MAST1: variants seen among roughly 807,000 people sequenced by gnomAD.
The protein encoded by MAST1 is microtubule associated serine/threonine kinase 1.
A neutral mutation model predicts 124.6 loss-of-function variants in MAST1; 40 were observed. That is an observed-to-expected ratio of 0.32 (90% confidence interval 0.25 to 0.42). The LOEUF is 0.42. Among genes scored for constraint, MAST1 ranks in the 10% least tolerant of loss-of-function variants. The pLI is 1.00. For missense variants in MAST1, 1,558 were observed against 2,181.9 expected (o/e 0.71, Z 5.70); for synonymous variants, 938 against 939.4 (o/e 1.00, Z 0.03).
chr19:12,863,434 G>T (rs8101584), intron 12 of MAST1, among the ~76,000 whole-genome samples: 7,762 of 152,158 alleles, frequency 0.051, 684 homozygotes, highest in African/African-American at 0.18. Context: ...ACAGAAAAAA[G>T]AAAGAAATCA....
Position 12,874,623 on chromosome 19 carries a change from C to T in MAST1, c.4466C>T (p.Thr1489Ile), listed in dbSNP as rs1315359016. Reference protein sequence around the residue: ...RWVLEVVEERTTLSGPRSKPA... With the variant: ...RWVLEVVEERITLSGPRSKPA... ...GTGTTGGAGGTGGTGGAGGAGCGCA[C>T]CACGCTGAGCGGTCCTCGCTCCAAG... Residue 1489 changes from threonine to isoleucine, a missense_variant, in exon 26 of 26, where the codon ACC becomes ATC. Thr to Ile is a moderately conservative substitution (Grantham distance 89). This residue lies in a region of MAST1 where 168 missense variants were observed against 154.3 expected (regional missense o/e 1.09). Coordinates refer to ENST00000251472, the MANE Select transcript of MAST1 (RefSeq NM_014975.3). The surrounding 1 kb of genome is among the most constrained non-coding windows in gnomAD (Gnocchi z 6.6). 4 of 1,513,986 alleles carry T rather than the reference C, an allele frequency of 2.6e-6. No homozygotes were observed. The African/African-American group carries it at 4.2e-5, about 16-fold the overall frequency. 93.8% of individuals were successfully genotyped at this position (1,513,986 alleles called of 1,614,324 possible).
In MAST1 at chr19:12,867,882, G is replaced by A; in HGVS notation, c.2471G>A (p.Arg824Gln). ...EDEARLRRPP[R>Q]PSSDPAGSLD... ...GAGGCCCGGCTGCGCAGGCCTCCCC[G>A]GCCCAGCTCCGACCCCGCGGGATCC... The change falls in exon 20 of 26, where the codon CGG (arginine) becomes CAG (glutamine). Residue 824 changes from arginine (R) to glutamine (Q), a missense_variant. Coordinates refer to ENST00000251472, the MANE Select transcript of MAST1 (RefSeq NM_014975.3). 6.2e-7 allele frequency: 1 copy of A among 1,603,924 alleles called. No individual in the cohort carries two copies. The highest frequency in any genetic ancestry group is 8.5e-7 in the Non-Finnish European group (1 of 1,175,916).
At chr19:12,845,411 CAAAAAA>C (rs540488398) in intron 4 of MAST1, among the ~76,000 whole-genome samples, 2 of 69,142 alleles carry the variant, frequency 2.9e-5, no homozygotes, top group Admixed American at 1.9e-4. Context: ...CCTGTTTCTA[CAAAAAA>C]AAAAAAAAAA....
chr19:12,847,166 G>A lies in MAST1; in HGVS notation c.328-124G>A, dbSNP rs1418369378. Reference sequence around the variant, plus strand: ...GCCAAGATCCTAGGATCCAAGGATCGTAAATCAGGTCCTGATCCTGGCCTT... The same window carrying A: ...GCCAAGATCCTAGGATCCAAGGATCATAAATCAGGTCCTGATCCTGGCCTT... On this transcript the variant is annotated intron_variant, in intron 4 of 25. Transcript: ENST00000251472. The surrounding 1 kb of genome is among the most constrained non-coding windows in gnomAD (Gnocchi z 5.5). 1.5e-5 allele frequency: 10 copies of A among 671,214 alleles called. No homozygotes were observed. The highest frequency in any genetic ancestry group is 5.4e-5 in the African/African-American group (3 of 55,370). 41.6% of individuals were successfully genotyped at this position (671,214 alleles called of 1,614,324 possible). A position where few individuals can be genotyped will look rare whatever the true frequency, so the allele number is the denominator to read the frequency against.
Position 12,847,737 on chromosome 19 carries a change from T to C in MAST1, c.564+50T>C. On this transcript the variant is annotated intron_variant, in intron 6 of 25. Transcript: ENST00000251472. This position sits in a 1 kb window ranked among gnomAD's most constrained non-coding sequence, Gnocchi z 5.5. ...CGGGGTGACCAGGCGGCCTGCACTC[T>C]CGCTCGCCTTATCCCCGCGCGCCCC... is the stretch of plus-strand genomic sequence containing the variant. 1 of 1,600,430 alleles carries C rather than the reference T, an allele frequency of 6.2e-7. No individual in the cohort carries two copies. The highest frequency in any genetic ancestry group is 8.5e-7 in the Non-Finnish European group (1 of 1,171,124).
At position 12,865,840 on chromosome 19, in the gene MAST1, GCTGAGGGCCCA is replaced by G. The variant is rs771946367; in HGVS notation, c.1906+27_1906+37del. 6.2e-7 allele frequency: 1 copy of G among 1,607,822 alleles called. No individual in the cohort carries two copies. Among genetic ancestry groups the G allele is most frequent in the South Asian group, 1.1e-5 (1 of 90,620 alleles). The stretch of plus-strand genomic sequence containing the variant: ...GCAGGTAAGTCCGCCATGCAGAGGA[GCTGAGGGCCCA>G]CTGATAGAGAGCAGGCCTCCAAAAC... On this transcript the variant is annotated intron_variant, in intron 16 of 25. Transcript: ENST00000251472. The surrounding 1 kb of genome is among the most constrained non-coding windows in gnomAD (Gnocchi z 7.1).
chr19:12,866,783 G>A lies in MAST1; in HGVS notation c.2139+21G>A. 1 of 1,594,196 alleles carries A rather than the reference G, an allele frequency of 6.3e-7. No individual in the cohort carries two copies. The highest frequency in any genetic ancestry group is 8.6e-7 in the Non-Finnish European group (1 of 1,164,996). ...GCAAGGTGGGCCAAGTCTGGGTGTG[G>A]GACAGGGCGAGACCCCAGGAGGGAT... is the stretch of plus-strand genomic sequence containing the variant. On this transcript the variant is annotated intron_variant, in intron 18 of 25. Transcript: ENST00000251472. The surrounding 1 kb of genome is among the most constrained non-coding windows in gnomAD (Gnocchi z 5.2).
intron 10 of MAST1, 21 bp from the exon 11 acceptor site, chr19:12,858,341 G>T (rs1413919590): frequency 6.2e-7 from 1 of 1,602,104 alleles, no homozygotes; most frequent in Non-Finnish European, 8.5e-7. Context: ...TGGTGGTGTG[G>T]TCTCCATCTT....
chr19:12,858,270 T>C, intron 10 of MAST1, 92 bp from the exon 11 acceptor site: 1 of 1,129,602 alleles, frequency 8.9e-7, no homozygotes, highest in Non-Finnish European at 1.3e-6. Flanking sequence ...TCTTTCATTC[T>C]GTGCCTCAGT....
intron 7 of MAST1, among the ~76,000 whole-genome samples, chr19:12,850,659 T>G (rs1236503574): frequency 6.6e-6 from 1 of 152,068 alleles, no homozygotes; most frequent in African/African-American, 2.4e-5. Context: ...GGTGCATACT[T>G]TTTTTTGGCT....
chr19:12,843,509 G>A lies in MAST1; in HGVS notation c.249-20G>A, dbSNP rs1295988247. On this transcript the variant is annotated intron_variant, in intron 3 of 25. Transcript: ENST00000251472. The surrounding 1 kb of genome is among the most constrained non-coding windows in gnomAD (Gnocchi z 4.9). ...ACCGCTGGGGCCTTGTGGCCTCTGA[G>A]CACCTTGGCTGGGTTCCAGGGCGGA... 1.2e-6 allele frequency: 2 copies of A among 1,610,150 alleles called. No homozygotes were observed. Among genetic ancestry groups the A allele is most frequent in the African/African-American group, 1.3e-5 (1 of 74,826 alleles).
chr19:12,862,177 G>A (rs1231946993), intron 12 of MAST1, among the ~76,000 whole-genome samples: 1 of 151,950 alleles, frequency 6.6e-6, no homozygotes, highest in African/African-American at 2.4e-5. Flanking sequence ...GCAAATTTTT[G>A]TACTTTTAGT....
intron 12 of MAST1, among the ~76,000 whole-genome samples, chr19:12,862,918 C>T (rs960755975): frequency 6.6e-6 from 1 of 151,772 alleles, no homozygotes; most frequent in African/African-American, 2.4e-5. Context: ...GTGCCTGCCT[C>T]GGCTTCCCAA....
Position 12,874,870 on chromosome 19 carries a change from G to A in MAST1, c.4713G>A (p.Ter1571=). Residue 1571 remains the stop codon, a stop_retained_variant, in exon 26 of 26, where the codon TAG becomes TAA. Coordinates refer to ENST00000251472, the MANE Select transcript of MAST1 (RefSeq NM_014975.3). The surrounding 1 kb of genome is among the most constrained non-coding windows in gnomAD (Gnocchi z 6.6). The part of the protein sequence containing the change: ...GVSSPAPPGP[*] ...CCAGTCCCGCACCCCCGGGACCATA[G>A]CCAAGGGGGTCATCGGCCCCGCGCT... is the stretch of plus-strand genomic sequence containing the variant. 6.3e-7 allele frequency: 1 copy of A among 1,596,958 alleles called. No individual in the cohort carries two copies. The highest frequency in any genetic ancestry group is 8.5e-7 in the Non-Finnish European group (1 of 1,173,888).
chr19:12,871,140 C>T lies in MAST1; in HGVS notation c.3231C>T (p.Asn1077=), dbSNP rs1358723919. 1.9e-6 allele frequency: 3 copies of T among 1,614,048 alleles called. No homozygotes were observed. The highest frequency in any genetic ancestry group is 2.5e-6 in the Non-Finnish European group (3 of 1,180,040). The change falls in exon 24 of 26, where the codon AAC becomes AAT. Residue 1077 remains asparagine, a synonymous_variant. Transcript: ENST00000251472. The part of the protein sequence containing the change: ...SSYKAKMARR[N]KRPSAKEGQE... ...ACAAGGCTAAAATGGCTCGGAGGAA[C>T]AAGCGACCCTCCGCCAAGGAGGGCC...
At position 12,874,303 on chromosome 19, in the gene MAST1, GGAGCGGGACGTCGGCTGCACGCGGCATCA is replaced by G; in HGVS notation, c.4152_4180del (p.Asp1385AlafsTer52). 6.3e-7 allele frequency: 1 copy of G among 1,594,056 alleles called. No homozygotes were observed. Among genetic ancestry groups the G allele is most frequent in the Non-Finnish European group, 8.5e-7 (1 of 1,176,420 alleles). Reference sequence around the variant, plus strand: ...CGACGACCCCCGGTGGCCGGACCCTGGAGCGGGACGTCGGCTGCACGCGGCATCAGAGCGTGCAGACGGAGGATGGCACT... The same window carrying G: ...CGACGACCCCCGGTGGCCGGACCCTGGAGCGTGCAGACGGAGGATGGCACT... On this transcript the variant is annotated frameshift_variant, in exon 26 of 26. Transcript: ENST00000251472. LOFTEE classifies it low-confidence loss of function (END_TRUNC). This position sits in a 1 kb window ranked among gnomAD's most constrained non-coding sequence, Gnocchi z 6.6.
In MAST1 at chr19:12,874,234, G is replaced by A. The variant is rs1970281723; in HGVS notation, c.4077G>A (p.Glu1359=). The A allele has an allele frequency of 1.3e-6, 2 of 1,553,994 alleles. No individual in the cohort carries two copies. Among genetic ancestry groups the A allele is most frequent in the East Asian group, 2.4e-5 (1 of 41,456 alleles). The change falls in exon 26 of 26, where the codon GAG becomes GAA. Residue 1359 remains glutamate, a synonymous_variant. Transcript: ENST00000251472. The surrounding 1 kb of genome is among the most constrained non-coding windows in gnomAD (Gnocchi z 6.6). ...GASRPPVSSK[E]KESPGGAEAC... is the part of the protein sequence containing the mutation. ...CCAGGCCACCAGTGTCGAGCAAGGA[G>A]AAGGAATCCCCGGGGGGCGCCGAGG... is the stretch of plus-strand genomic sequence containing the variant.
Position 12,847,997 on chromosome 19 carries a change from C to A in MAST1, c.714C>A (p.Gly238=). 1 of 1,614,194 alleles carries A rather than the reference C, an allele frequency of 6.2e-7. No homozygotes were observed. The highest frequency in any genetic ancestry group is 8.5e-7 in the Non-Finnish European group (1 of 1,180,008). ...ACTGCCTGACCAAGTCCCGTGACGGCCTCATCACCACGGTCTACTTCTATG... is the reference window on the plus strand; with the variant it reads ...ACTGCCTGACCAAGTCCCGTGACGGACTCATCACCACGGTCTACTTCTATG... ...ARDCLTKSRD[G]LITTVYFYEL... The change falls in exon 7 of 26, where the codon GGC becomes GGA. Residue 238 remains glycine (G), a synonymous_variant. Transcript: ENST00000251472. The surrounding 1 kb of genome is among the most constrained non-coding windows in gnomAD (Gnocchi z 5.5).
At position 12,865,038 on chromosome 19, in the gene MAST1, G is replaced by T. The variant is rs750874150; in HGVS notation, c.1506-8G>T. ...CCTCATCCCTGAGATCCCCACCTGT[G>T]CCTACAGCCTCCTTATCACCTCCAT... On this transcript the variant is annotated splice_region_variant and splice_polypyrimidine_tract_variant and intron_variant, in intron 13 of 25. Transcript: ENST00000251472. This position sits in a 1 kb window ranked among gnomAD's most constrained non-coding sequence, Gnocchi z 7.1. 6.2e-7 allele frequency: 1 copy of T among 1,613,978 alleles called. No homozygotes were observed.
Sources: allele counts gnomAD v4.1 joint callset (sites outside exome capture counted in the v4.1 genomes callset), GRCh38; gene constraint gnomAD v4.1.1; regional missense constraint gnomAD v4.1.1; non-coding constraint Gnocchi (gnomAD v3.1); transcripts MANE v1.5; gene names NCBI Gene and HGNC (gene_info 2026-07-23, HGNC 2026-07-21).